ELOVL6: variants seen among roughly 807,000 people sequenced by gnomAD.
ELOVL6 encodes the protein very long chain fatty acid elongase 6.
ELOVL6 carries 8 observed loss-of-function variants against 31.7 expected under a neutral mutation model. That is an observed-to-expected ratio of 0.25 (90% CI 0.15 to 0.45). The LOEUF (loss-of-function observed/expected upper bound fraction) is 0.45. Ranked by LOEUF, ELOVL6 falls within the 20% of genes least tolerant of loss-of-function variation. ELOVL6 has a pLI of 1.00. For synonymous variants in ELOVL6, 101 were observed against 117.7 expected, an observed-to-expected ratio of 0.86 and a Z score of 0.92; for missense variants, 126 against 326.4, an observed-to-expected ratio of 0.39 and a Z score of 4.73.
In ELOVL6 at chr4:110,098,205, A is replaced by AG. The variant is rs11405384; in HGVS notation, c.221+7291dup. Among the ~76,000 whole-genome samples the AG allele has an allele frequency of 1.3e-3, 203 of 152,224 alleles. 4 individuals carry two copies. In the East Asian group the frequency reaches 0.031, roughly 23 times the overall value. On this transcript the variant is annotated intron_variant, in intron 2 of 3. Coordinates refer to ENST00000302274, the MANE Select transcript of ELOVL6 (RefSeq NM_024090.3). Reference sequence around the variant, plus strand: ...TAACTGAGGGATACCGTCAAAAAAAAGGGGGAAACAAAAGCTATTCTTCAT... The same window carrying AG: ...TAACTGAGGGATACCGTCAAAAAAAAGGGGGGAAACAAAAGCTATTCTTCAT...
chr4:110,059,994 G>A, intron 2 of ELOVL6: 2 of 372,222 alleles, frequency 5.4e-6, no homozygotes, highest in Non-Finnish European at 9.6e-6. Context: ...CCAAAAAGAG[G>A]TCATGAAAAA....
chr4:110,179,587 A>C (rs1759213004), intron 1 of ELOVL6, among the ~76,000 whole-genome samples: 1 of 152,252 alleles, frequency 6.6e-6, no homozygotes, highest in South Asian at 2.1e-4. Flanking sequence ...TCATTTTCAC[A>C]TGAAAAAATA....
intron 1 of ELOVL6, among the ~76,000 whole-genome samples, chr4:110,176,806 C>T (rs973882445): frequency 2.6e-5 from 4 of 152,146 alleles, no homozygotes; most frequent in African/African-American, 9.7e-5. Context: ...GGCACGATCT[C>T]GGCTCACTGC....
chr4:110,171,308 C>T (rs879617656), intron 1 of ELOVL6, among the ~76,000 whole-genome samples: 1 of 152,020 alleles, frequency 6.6e-6, no homozygotes, highest in Admixed American at 6.6e-5. Flanking sequence ...ACTTGGGAGG[C>T]TGAGCCAGGA....
rs1754718506 is a variant in ELOVL6 at position 110,047,273 on chromosome 4, C to T, written c.*4065G>A. ...CAAAGTCTATTTGTTCTCTACTCTCCTCACAGCCTCTTGAATCAGACCTTG... is the reference window on the plus strand; with the variant it reads ...CAAAGTCTATTTGTTCTCTACTCTCTTCACAGCCTCTTGAATCAGACCTTG... On this transcript the variant is annotated 3_prime_UTR_variant, in exon 4 of 4. Transcript: ENST00000302274. 6.6e-6 allele frequency: 1 copy of T among 151,808 alleles called. No individual in the cohort carries two copies. Among genetic ancestry groups the T allele is most frequent in the Non-Finnish European group, 1.5e-5 (1 of 67,992 alleles). 9.4% of individuals were successfully genotyped at this position (151,808 alleles called of 1,614,324 possible). A position where few individuals can be genotyped will look rare whatever the true frequency, so the allele number is the denominator to read the frequency against.
rs35100521 is a variant in ELOVL6 at position 110,176,151 on chromosome 4, C to CTTATTTAT, written c.89+22088_89+22095dup. Among the ~76,000 whole-genome samples, 1,042 of 149,534 alleles carry CTTATTTAT rather than the reference C, an allele frequency of 7.0e-3. 5 individuals carry two copies. Among genetic ancestry groups the CTTATTTAT allele is most frequent in the Middle Eastern group, 0.034 (10 of 290 alleles). ...ACCATGAATAAATCAATGTTTCTAC[C>CTTATTTAT]TTATTTATTTATTTATTTATTTATT... On this transcript the variant is annotated intron_variant, in intron 1 of 3. Coordinates refer to ENST00000302274, the MANE Select transcript of ELOVL6 (RefSeq NM_024090.3).
intron 3 of ELOVL6, among the ~76,000 whole-genome samples, chr4:110,058,321 G>A (rs1001625186): frequency 6.6e-6 from 1 of 152,206 alleles, no homozygotes; most frequent in African/African-American, 2.4e-5. Context: ...GCACATGCAC[G>A]CGGTAGTTAT....
At chr4:110,172,351 A>T (rs1276277948) in intron 1 of ELOVL6, among the ~76,000 whole-genome samples, 1 of 152,194 alleles carries the variant, frequency 6.6e-6, no homozygotes, top group African/African-American at 2.4e-5. Flanking sequence ...ACAGAAGCAC[A>T]CTTAAAAGAA....
At chr4:110,174,768 C>T (rs1057269595) in intron 1 of ELOVL6, among the ~76,000 whole-genome samples, 6 of 152,070 alleles carry the variant, frequency 3.9e-5, no homozygotes, top group African/African-American at 1.2e-4. Flanking sequence ...TATAACATGA[C>T]CTTTACCTAC....
intron 2 of ELOVL6, among the ~76,000 whole-genome samples, chr4:110,068,270 G>A (rs1400570503): frequency 6.6e-6 from 1 of 152,178 alleles, no homozygotes; most frequent in Non-Finnish European, 1.5e-5. Context: ...ATGACTAATA[G>A]TATCATATGA....
At chr4:110,056,883 A>G (rs946624686) in intron 3 of ELOVL6, among the ~76,000 whole-genome samples, 3 of 152,108 alleles carry the variant, frequency 2.0e-5, no homozygotes, top group African/African-American at 7.2e-5. Context: ...GGCTGAGGGG[A>G]ATGGACATTT....
intron 1 of ELOVL6, among the ~76,000 whole-genome samples, chr4:110,137,349 TACTTTCTTTGGGGCAAAGTCGTGACTA>T (rs1200934838): frequency 6.6e-6 from 1 of 152,170 alleles, no homozygotes; most frequent in African/African-American, 2.4e-5. Flanking sequence ...CATCGTGACT[TACTTTCTTTGGGGCAAAGTCGTGACTA>T]ACTTTCTTTG....
chr4:110,152,145 C>G (rs570588922), intron 1 of ELOVL6, among the ~76,000 whole-genome samples: 1 of 152,230 alleles, frequency 6.6e-6, no homozygotes, highest in Non-Finnish European at 1.5e-5. Flanking sequence ...ATATGCCCCC[C>G]CAAAATATCT....
chr4:110,186,813 A>AT (rs1759456168), intron 1 of ELOVL6, among the ~76,000 whole-genome samples: 1 of 116,174 alleles, frequency 8.6e-6, no homozygotes, highest in African/African-American at 3.1e-5. Context: ...CAAAAAAAAA[A>AT]AAAAAAAAAA....
intron 1 of ELOVL6, among the ~76,000 whole-genome samples, chr4:110,167,657 G>C (rs562764369): frequency 0.18 from 1,608 of 8,722 alleles, 27 homozygotes; most frequent in African/African-American, 0.46. Flanking sequence ...CCTCAGTTAT[G>C]TATGTATGTA....
intron 1 of ELOVL6, among the ~76,000 whole-genome samples, chr4:110,124,626 G>T (rs951156099): frequency 2.6e-5 from 4 of 151,908 alleles, no homozygotes; most frequent in Non-Finnish European, 5.9e-5. Context: ...CCTAGGTGAT[G>T]GGTTGAAAGG....
chr4:110,111,878 A>C (rs1264092827), intron 1 of ELOVL6, among the ~76,000 whole-genome samples: 1 of 152,242 alleles, frequency 6.6e-6, no homozygotes, highest in African/African-American at 2.4e-5. Flanking sequence ...TGAAAACTGC[A>C]GCAGAGTTCA....
At chr4:110,140,253 A>G (rs912361564) in intron 1 of ELOVL6, among the ~76,000 whole-genome samples, 5 of 152,092 alleles carry the variant, frequency 3.3e-5, no homozygotes, top group Non-Finnish European at 5.9e-5. Flanking sequence ...AAGCCTGTGG[A>G]CATGGTTTAT....
intron 1 of ELOVL6, among the ~76,000 whole-genome samples, chr4:110,195,266 C>T (rs182244074): frequency 3.3e-3 from 504 of 152,032 alleles, no homozygotes; most frequent in African/African-American, 0.011. Flanking sequence ...TACAGGCACC[C>T]GCCACCACGC....
Sources: allele counts gnomAD v4.1 joint callset (sites outside exome capture counted in the v4.1 genomes callset), GRCh38; gene constraint gnomAD v4.1.1; transcripts MANE v1.5; gene names NCBI Gene and HGNC (gene_info 2026-07-23, HGNC 2026-07-21).